FOXN3: variants seen among roughly 807,000 people sequenced by gnomAD.
FOXN3 encodes the protein forkhead box N3.
A neutral mutation model predicts 38.4 loss-of-function variants in FOXN3; 7 were observed. The ratio of observed to expected loss-of-function variants is 0.18; its 90% CI spans 0.10 to 0.34. The LOEUF (loss-of-function observed/expected upper bound fraction) is 0.34. FOXN3 is among the 10% of genes least tolerant of loss of function. The pLI is 1.00. For missense variants in FOXN3, 456 were observed against 613.4 expected, an observed-to-expected ratio of 0.74 and a Z score of 2.71; for synonymous variants, 230 against 242.2, an observed-to-expected ratio of 0.95 and a Z score of 0.47.
At chr14:89,339,720 C>T (rs890130824) in intron 3 of FOXN3, among the ~76,000 whole-genome samples, 5 of 152,204 alleles carry the variant, frequency 3.3e-5, no homozygotes, top group African/African-American at 7.2e-5. Flanking sequence ...ACTGTTTCCT[C>T]GGACTGGCCT....
At chr14:89,337,989 C>A (rs143642534) in intron 3 of FOXN3, among the ~76,000 whole-genome samples, 1 of 152,144 alleles carries the variant, frequency 6.6e-6, no homozygotes, top group African/African-American at 2.4e-5. Flanking sequence ...TATTTGGTGC[C>A]TTGGAGTCAA....
upstream of FOXN3, chr14:89,419,123 C>T (rs1209304590): frequency 2.2e-6 from 1 of 456,022 alleles, no homozygotes; most frequent in South Asian, 1.5e-5. Flanking sequence ...TTCTTGCATT[C>T]TCAAACATAT....
At chr14:89,281,055 G>C (rs778821175) in intron 3 of FOXN3, 41 bp from the exon 4 acceptor site, 7 of 1,552,078 alleles carry the variant, frequency 4.5e-6, no homozygotes, top group Non-Finnish European at 6.2e-6. Flanking sequence ...AAGTTCATCT[G>C]CACTCACACA....
At chr14:89,453,400 CA>C (rs558758113) in intron 1 of FOXN3, among the ~76,000 whole-genome samples, 11 of 146,166 alleles carry the variant, frequency 7.5e-5, no homozygotes, top group Non-Finnish European at 1.4e-4. Flanking sequence ...ACTAAAAATA[CA>C]AAAAAAAAAT....
At chr14:89,470,809 A>C (rs922545097) in intron 1 of FOXN3, among the ~76,000 whole-genome samples, 1 of 152,138 alleles carries the variant, frequency 6.6e-6, no homozygotes, top group African/African-American at 2.4e-5. Context: ...CAGTAGAGCT[A>C]ACCTAAATGA....
intron 1 of FOXN3, among the ~76,000 whole-genome samples, chr14:89,468,864 A>T (rs1008956705): frequency 6.6e-6 from 1 of 152,142 alleles, no homozygotes; most frequent in African/African-American, 2.4e-5. Flanking sequence ...AATCCACCAG[A>T]CATATTCCAA....
intron 3 of FOXN3, among the ~76,000 whole-genome samples, chr14:89,310,593 C>A (rs1274424149): frequency 6.6e-6 from 1 of 152,146 alleles, no homozygotes; most frequent in Non-Finnish European, 1.5e-5. Flanking sequence ...CTGCCTTTAA[C>A]AAAAGGGTCC....
chr14:89,500,938 G>A (rs865774575), intron 1 of FOXN3, among the ~76,000 whole-genome samples: 1 of 152,220 alleles, frequency 6.6e-6, no homozygotes, highest in Non-Finnish European at 1.5e-5. Context: ...AATTATCACA[G>A]TGAAGTTTGC....
intron 3 of FOXN3, among the ~76,000 whole-genome samples, chr14:89,330,868 C>T (rs1035480823): frequency 2.0e-5 from 3 of 152,150 alleles, no homozygotes; most frequent in African/African-American, 7.2e-5. Flanking sequence ...ATTCCTAAGG[C>T]CAGGGAGCCT....
At chr14:89,192,684 AC>A (rs1887989793) in intron 4 of FOXN3, among the ~76,000 whole-genome samples, 1 of 144,786 alleles carries the variant, frequency 6.9e-6, no homozygotes, top group Admixed American at 6.9e-5. Context: ...TAGTTAATAT[AC>A]ACTACTATAT....
At chr14:89,262,380 T>C (rs1208638450) in intron 4 of FOXN3, among the ~76,000 whole-genome samples, 2 of 152,250 alleles carry the variant, frequency 1.3e-5, no homozygotes, top group Admixed American at 6.5e-5. Context: ...GTGTGATCTG[T>C]GGCACTTTGC....
chr14:89,437,858 G>A (rs963930073), intron 1 of FOXN3, among the ~76,000 whole-genome samples: 4 of 152,100 alleles, frequency 2.6e-5, no homozygotes, highest in African/African-American at 9.7e-5. Context: ...CCCTCTCTTG[G>A]GGGTCAGGAC....
Position 89,587,867 on chromosome 14 carries a change from GAA to G in FOXN3, c.-15+31159_-15+31160del, listed in dbSNP as rs11366681. Among the ~76,000 whole-genome samples the G allele has an allele frequency of 6.4e-3, 411 of 64,634 alleles. 2 individuals are homozygous for G. The highest frequency in any genetic ancestry group is 0.016 in the African/African-American group (285 of 17,644). 42.4% of individuals were successfully genotyped at this position (64,634 alleles called of 152,430 possible). A position where few individuals can be genotyped will look rare whatever the true frequency, so the allele number is the denominator to read the frequency against. On this transcript the variant is annotated intron_variant, in intron 1 of 6. Coordinates refer to the FOXN3 transcript ENST00000345097. ...GGTGAAAGAGTAAGACTCTGTCTCA[GAA>G]AAAAAAAAAAAAAAAAAAAAGCCCA...
chr14:89,505,311 C>T (rs1201563712), intron 1 of FOXN3, among the ~76,000 whole-genome samples: 3 of 145,864 alleles, frequency 2.1e-5, no homozygotes, highest in Admixed American at 6.8e-5. Flanking sequence ...CCCACGGTCT[C>T]CCTCTGATGC....
At chr14:89,590,091 G>A (rs868062972) in intron 1 of FOXN3, among the ~76,000 whole-genome samples, 1 of 152,124 alleles carries the variant, frequency 6.6e-6, no homozygotes, top group Non-Finnish European at 1.5e-5. Context: ...CCAAGTCGAT[G>A]TTACCATTTG....
At chr14:89,194,803 T>C (rs1888056002) in intron 4 of FOXN3, among the ~76,000 whole-genome samples, 1 of 151,860 alleles carries the variant, frequency 6.6e-6, no homozygotes, top group Admixed American at 6.6e-5. Flanking sequence ...TTCTTATATA[T>C]ATGTCCAAAA....
At chr14:89,533,312 C>T (rs1894611995) in intron 1 of FOXN3, among the ~76,000 whole-genome samples, 1 of 152,158 alleles carries the variant, frequency 6.6e-6, no homozygotes, top group Admixed American at 6.5e-5. Context: ...ACTGCCCTGC[C>T]TCTCAAAAGC....
chr14:89,242,261 C>T (rs1885162854), intron 4 of FOXN3, among the ~76,000 whole-genome samples: 1 of 152,024 alleles, frequency 6.6e-6, no homozygotes, highest in African/African-American at 2.4e-5. Flanking sequence ...ACATGCTTGG[C>T]CTTGGGGTCC....
At chr14:89,220,138 C>A (rs1884419556) in intron 4 of FOXN3, among the ~76,000 whole-genome samples, 2 of 152,184 alleles carry the variant, frequency 1.3e-5, no homozygotes, top group South Asian at 4.1e-4. Context: ...TCTTGCGAGG[C>A]CCAGCAGATC....
Sources: gnomAD v4.1 joint callset for allele counts (sites outside exome capture counted in the v4.1 genomes callset) on GRCh38, gnomAD v4.1.1 for gene constraint, MANE v1.5 for transcripts, NCBI Gene and HGNC (gene_info 2026-07-23, HGNC 2026-07-21) for gene names.